The following CDH23 variants were observed in gnomAD, a reference collection of about 807,000 sequenced individuals.
CDH23 encodes the protein cadherin related 23.
In CDH23, 189 loss-of-function variants were observed where a neutral mutation model predicts 317.1. That is an observed-to-expected ratio of 0.60 (90% CI 0.53 to 0.67). The LOEUF (loss-of-function observed/expected upper bound fraction) is 0.67. Ranked by LOEUF, CDH23 falls within the 30% of genes least tolerant of loss-of-function variation. The probability of loss-of-function intolerance (pLI) is 0.00; values close to 1 mark genes in which losing one functional copy is unlikely to be tolerated. For missense variants in CDH23, 4,401 were observed against 4,592.4 expected (o/e 0.96, Z 1.20); for synonymous variants, 1,839 against 1,876.8 (o/e 0.98, Z 0.52).
In CDH23 at chr10:71,741,623, A is replaced by C. The variant is rs938976747; in HGVS notation, c.4618-71A>C. 14 of 1,364,160 alleles carry C rather than the reference A, an allele frequency of 1.0e-5. No individual in the cohort carries two copies. In the Admixed American group the frequency reaches 1.8e-4, roughly 17 times the overall value. The allele number at this position is 1,364,160 out of a possible 1,614,324, so 84.5% of individuals were successfully genotyped here. ...GAGGTACAGGGGGAGCCTTCGGGCTACAGGAGCAGGTGCCAGACTGTGCCC... is the reference window on the plus strand; with the variant it reads ...GAGGTACAGGGGGAGCCTTCGGGCTCCAGGAGCAGGTGCCAGACTGTGCCC... On this transcript the variant is annotated intron_variant, in intron 37 of 69. Transcript: ENST00000224721.
rs1564673762 is a variant in CDH23 at position 71,590,880 on chromosome 10, A to AAAC, written c.832+12890_832+12891insCAA. Reference sequence around the variant, plus strand: ...AGAGTGAGACCCTGTCTCTAAAAAAAAAAAAACAAAAAAAAACAAAAAAAA... The same window carrying AAAC: ...AGAGTGAGACCCTGTCTCTAAAAAAAAACAAAAAACAAAAAAAAACAAAAAAAA... On this transcript the variant is annotated intron_variant, in intron 9 of 69. Transcript: ENST00000224721. Among the ~76,000 whole-genome samples, 5 of 133,134 alleles carry AAAC rather than the reference A, an allele frequency of 3.8e-5. No individual in the cohort carries two copies. In the East Asian group the frequency reaches 1.0e-3, roughly 27 times the overall value. The allele number at this position is 133,134 out of a possible 152,430, so 87.3% of individuals were successfully genotyped here.
intron 1 of CDH23, among the ~76,000 whole-genome samples, chr10:71,439,624 C>T (rs949736145): frequency 1.3e-5 from 2 of 152,228 alleles, no homozygotes; most frequent in Non-Finnish European, 2.9e-5. Flanking sequence ...GTGCTATACC[C>T]AGGATAGGAC....
chr10:71,410,086 C>T lies in CDH23; in HGVS notation c.-6+12768C>T, dbSNP rs2131917207. ...CTTCTGGCAATTTAATTAATCATTA[C>T]TCATCTGTGTCTTGTTTTCTCTTCC... On this transcript the variant is annotated intron_variant, in intron 1 of 69. Coordinates refer to ENST00000224721, the MANE Select transcript of CDH23 (RefSeq NM_022124.6). Among the ~76,000 whole-genome samples, 2 of 152,312 alleles carry T rather than the reference C, an allele frequency of 1.3e-5. 1 individual carries two copies. Among genetic ancestry groups the T allele is most frequent in the East Asian group, 3.9e-4 (2 of 5,184 alleles).
At chr10:71,571,696 T>G (rs1857821757) in intron 8 of CDH23, among the ~76,000 whole-genome samples, 2 of 152,048 alleles carry the variant, frequency 1.3e-5, no homozygotes, top group African/African-American at 4.8e-5. Flanking sequence ...ATTAGAAAAA[T>G]GCGCCTCCCC....
At chr10:71,666,633 T>C (rs1470472168) in intron 14 of CDH23, among the ~76,000 whole-genome samples, 3 of 152,014 alleles carry the variant, frequency 2.0e-5, no homozygotes, top group South Asian at 2.1e-4. Flanking sequence ...GACTGGATGG[T>C]ATTTGCTGGC....
At chr10:71,626,205 T>G (rs1861726414) in intron 11 of CDH23, among the ~76,000 whole-genome samples, 1 of 152,204 alleles carries the variant, frequency 6.6e-6, no homozygotes, top group Non-Finnish European at 1.5e-5. Flanking sequence ...AAAATTCTTC[T>G]GAGAAGGGGG....
intron 1 of CDH23, among the ~76,000 whole-genome samples, chr10:71,414,143 T>C (rs1176277357): frequency 6.6e-6 from 1 of 151,886 alleles, no homozygotes; most frequent in African/African-American, 2.4e-5. Context: ...ATAATTTTAC[T>C]TCTTCCTTTC....
chr10:71,420,763 G>A (rs950213761), intron 1 of CDH23, among the ~76,000 whole-genome samples: 7 of 152,118 alleles, frequency 4.6e-5, no homozygotes, highest in Non-Finnish European at 1.0e-4. Flanking sequence ...GAGGCACAGA[G>A]CAGCTAAGCA....
intron 38 of CDH23, among the ~76,000 whole-genome samples, chr10:71,768,915 C>A (rs1246288955): frequency 6.6e-6 from 1 of 152,204 alleles, no homozygotes; most frequent in Non-Finnish European, 1.5e-5. Context: ...AGCCTCACAA[C>A]TAATAAGTGA....
intron 6 of CDH23, among the ~76,000 whole-genome samples, chr10:71,531,297 G>A (rs1855362427): frequency 6.6e-6 from 1 of 152,158 alleles, no homozygotes; most frequent in Admixed American, 6.5e-5. Flanking sequence ...GGACCCTTGG[G>A]CTGCATTCTA....
chr10:71,748,945 C>T (rs1007781451), intron 38 of CDH23: 2 of 152,914 alleles, frequency 1.3e-5, no homozygotes, highest in African/African-American at 4.8e-5. Context: ...CCACGAAGCC[C>T]AGATGCGTTC....
In CDH23 at chr10:71,566,285, G is replaced by A. The variant is rs979909118; in HGVS notation, c.430-457G>A. On this transcript the variant is annotated intron_variant, in intron 6 of 69. Coordinates refer to ENST00000224721, the MANE Select transcript of CDH23 (RefSeq NM_022124.6). ...TCAGCAGCCCCATCCATTGTTCTCC[G>A]GAGGCCCTTTCCAGCCTGACCAGGG... Among the ~76,000 whole-genome samples, 13 of 152,056 alleles carry A rather than the reference G, an allele frequency of 8.5e-5. No individual in the cohort carries two copies. In the East Asian group the frequency reaches 1.7e-3, roughly 20 times the overall value.
At chr10:71,615,837 T>C (rs1861158070) in intron 10 of CDH23, among the ~76,000 whole-genome samples, 1 of 152,196 alleles carries the variant, frequency 6.6e-6, no homozygotes, top group African/African-American at 2.4e-5. Flanking sequence ...GCCGCATCCA[T>C]CATCAACAAC....
At chr10:71,732,424 T>G (rs1839423334) in intron 32 of CDH23, 49 bp downstream of exon 32, 3 of 1,549,512 alleles carry the variant, frequency 1.9e-6, no homozygotes, top group Middle Eastern at 3.3e-4. Context: ...CTAACCAACA[T>G]TGGTTGAGCT....
rs1324869487 is a variant in CDH23, at chr10:71,403,471, TTCC to T, written c.-6+6155_-6+6157del. ...TTCCTTCCTTTCCTTCCTTCCTTCC[TTCC>T]TTCCTTCCTTCCTTCCTTCCTTCCT... On this transcript the variant is annotated intron_variant, in intron 1 of 69. Coordinates refer to ENST00000224721, the MANE Select transcript of CDH23 (RefSeq NM_022124.6). Among the ~76,000 whole-genome samples the T allele has an allele frequency of 4.8e-4, 52 of 109,034 alleles. 4 individuals carry two copies. Among genetic ancestry groups the T allele is most frequent in the African/African-American group, 1.9e-3 (45 of 23,184 alleles). 71.5% of individuals were successfully genotyped at this position (109,034 alleles called of 152,430 possible).
At chr10:71,518,395 G>T (rs941810796) in intron 6 of CDH23, among the ~76,000 whole-genome samples, 2 of 152,228 alleles carry the variant, frequency 1.3e-5, no homozygotes, top group Non-Finnish European at 1.5e-5. Flanking sequence ...GCAGGGCTGA[G>T]GCCCTGATCC....
Position 71,799,642 on chromosome 10 carries a change from G to T in CDH23, c.7362+13G>T. 6.2e-7 allele frequency: 1 copy of T among 1,614,020 alleles called. No homozygotes were observed. ...CAACCCCACCACGGTGAGCAGTGAT[G>T]GAGGGCCTGGAATTTGGAAGTGGGA... is the stretch of plus-strand genomic sequence containing the variant. On this transcript the variant is annotated intron_variant, in intron 52 of 69. Transcript: ENST00000224721.
At chr10:71,707,488 A>G in intron 26 of CDH23, 1 of 1,108,648 alleles carries the variant, frequency 9.0e-7, no homozygotes, top group South Asian at 3.2e-5. Flanking sequence ...ATCTCCCTAA[A>G]TGAAATGGTT....
At chr10:71,408,488 C>A (rs192010234) in intron 1 of CDH23, among the ~76,000 whole-genome samples, 2 of 152,288 alleles carry the variant, frequency 1.3e-5, no homozygotes, top group African/African-American at 4.8e-5. Context: ...CCCAAATTCT[C>A]CCCCTCACCT....
Sources: gnomAD v4.1 joint callset for allele counts (sites outside exome capture counted in the v4.1 genomes callset) on GRCh38, gnomAD v4.1.1 for gene constraint, MANE v1.5 for transcripts, NCBI Gene and HGNC (gene_info 2026-07-23, HGNC 2026-07-21) for gene names.